The following NR2C1 variants were observed in gnomAD, a reference collection of about 807,000 sequenced individuals.
NR2C1 encodes the protein TR2 nuclear hormone receptor.
A neutral mutation model predicts 74.8 loss-of-function variants in NR2C1; 33 were observed. The observed-to-expected ratio is 0.44, with a 90% CI of 0.33 to 0.59. The LOEUF is 0.59. Ranked by LOEUF, NR2C1 falls within the 20% of genes least tolerant of loss-of-function variation. NR2C1 has a pLI of 0.02. For synonymous variants in NR2C1, 225 were observed against 240.6 expected, an observed-to-expected ratio of 0.94 and a Z score of 0.60; for missense variants, 568 against 715.6, an observed-to-expected ratio of 0.79 and a Z score of 2.35.
At chr12:95,047,039 G>A (rs574589585) in intron 9 of NR2C1, among the ~76,000 whole-genome samples, 99 of 152,220 alleles carry the variant, frequency 6.5e-4, no homozygotes, top group African/African-American at 2.1e-3. Context: ...AACATTTCAA[G>A]CAATCAAAAA....
At chr12:95,058,723 G>A (rs568530292) in intron 4 of NR2C1, among the ~76,000 whole-genome samples, 3 of 152,184 alleles carry the variant, frequency 2.0e-5, no homozygotes, top group African/African-American at 7.2e-5. Context: ...CTGCAGTCTC[G>A]AACTACTGGA....
chr12:95,028,313 G>C, intron 12 of NR2C1, 74 bp downstream of exon 12: 2 of 1,259,736 alleles, frequency 1.6e-6, no homozygotes, highest in African/African-American at 3.0e-5. Context: ...ATCCCCACTT[G>C]CAACATATGA....
intron 11 of NR2C1, chr12:95,030,309 A>G (rs1869915887): frequency 4.1e-6 from 2 of 483,684 alleles, no homozygotes; most frequent in African/African-American, 4.0e-5. Flanking sequence ...GGTTGGGAAA[A>G]AATGAGCAAA....
In NR2C1 at chr12:95,057,663, A is replaced by G. The variant is rs566718521; in HGVS notation, c.693-20T>C. Reference sequence around the variant, plus strand: ...GTTGACCTGTAACAAATCAGCACAAATTTTGGCCTGAGTTTCATTGGGAAG... The same window carrying G: ...GTTGACCTGTAACAAATCAGCACAAGTTTTGGCCTGAGTTTCATTGGGAAG... On this transcript the variant is annotated intron_variant, in intron 6 of 13. Coordinates refer to ENST00000333003, the MANE Select transcript of NR2C1 (RefSeq NM_003297.4). 103 of 1,612,990 alleles carry G rather than the reference A, an allele frequency of 6.4e-5. 2 individuals are homozygous for G. The South Asian group carries it at 1.1e-3, about 17-fold the overall frequency.
intron 9 of NR2C1, among the ~76,000 whole-genome samples, chr12:95,043,891 T>C (rs2136135176): frequency 6.6e-6 from 1 of 152,174 alleles, no homozygotes; most frequent in East Asian, 1.9e-4. Context: ...AAAATATTAC[T>C]ACACCATGTT....
At chr12:95,055,692 G>A (rs1477872692) in intron 7 of NR2C1, among the ~76,000 whole-genome samples, 4 of 152,104 alleles carry the variant, frequency 2.6e-5, no homozygotes, top group East Asian at 1.9e-4. Context: ...AGTGGCTCAC[G>A]CCTGTAATCC....
intron 11 of NR2C1, among the ~76,000 whole-genome samples, 156 bp from the exon 12 acceptor site, chr12:95,028,680 A>C (rs750808005): frequency 2.0e-5 from 3 of 152,222 alleles, no homozygotes; most frequent in Non-Finnish European, 4.4e-5. Flanking sequence ...GTGGCAGTGC[A>C]GTGCAGTGCG....
At chr12:95,048,685 C>T (rs1344829120) in intron 9 of NR2C1, among the ~76,000 whole-genome samples, 1 of 143,580 alleles carries the variant, frequency 7.0e-6, no homozygotes, top group East Asian at 2.1e-4. Context: ...AGTGCAATGG[C>T]GTGATCTCGG....
intron 2 of NR2C1, among the ~76,000 whole-genome samples, chr12:95,064,772 T>C (rs947632819): frequency 2.6e-5 from 4 of 152,220 alleles, no homozygotes; most frequent in Admixed American, 2.0e-4. Context: ...AATTTTAAAA[T>C]GGCAAAGTCC....
intron 3 of NR2C1, among the ~76,000 whole-genome samples, chr12:95,061,954 G>C (rs955442132): frequency 6.6e-6 from 1 of 152,182 alleles, no homozygotes; most frequent in African/African-American, 2.4e-5. Flanking sequence ...GCCCATGACT[G>C]CACTGCTTGC....
At chr12:95,033,646 G>T (rs954232770) in intron 10 of NR2C1, among the ~76,000 whole-genome samples, 15 of 152,204 alleles carry the variant, frequency 9.9e-5, no homozygotes, top group African/African-American at 3.6e-4. Flanking sequence ...TTAAAATATA[G>T]CTCAGAGTTC....
rs1386585312 is a variant in NR2C1, at chr12:95,021,567, A to G, written c.*662T>C. 6.6e-6 allele frequency: 1 copy of G among 152,164 alleles called. No individual in the cohort carries two copies. The highest frequency in any genetic ancestry group is 2.4e-5 in the African/African-American group (1 of 41,454). 9.4% of individuals were successfully genotyped at this position (152,164 alleles called of 1,614,324 possible). A position where few individuals can be genotyped will look rare whatever the true frequency, so the allele number is the denominator to read the frequency against. ...TTATTCTCAAAAACAATTTTCTGCT[A>G]TATAAAGTGCTTGTAACTAATAATA... On this transcript the variant is annotated 3_prime_UTR_variant, in exon 14 of 14. Coordinates refer to ENST00000333003, the MANE Select transcript of NR2C1 (RefSeq NM_003297.4).
intron 11 of NR2C1, 96 bp from the exon 12 acceptor site, chr12:95,028,620 T>C: frequency 1.1e-6 from 1 of 931,876 alleles, no homozygotes; most frequent in Non-Finnish European, 1.6e-6. Context: ...TTGAAAAATT[T>C]TTTAATTCTT....
chr12:95,053,062 C>A (rs1193656910), intron 7 of NR2C1, among the ~76,000 whole-genome samples: 1 of 151,954 alleles, frequency 6.6e-6, no homozygotes, highest in African/African-American at 2.4e-5. Context: ...CAGCTCACTG[C>A]AACCTCCAAC....
At chr12:95,039,798 A>G (rs1437626412) in intron 10 of NR2C1, among the ~76,000 whole-genome samples, 1 of 152,168 alleles carries the variant, frequency 6.6e-6, no homozygotes, top group South Asian at 2.1e-4. Context: ...TGCCCAGCTA[A>G]TTAAAACATT....
intron 7 of NR2C1, among the ~76,000 whole-genome samples, chr12:95,054,072 A>G (rs1310325340): frequency 6.6e-6 from 1 of 152,206 alleles, no homozygotes; most frequent in Non-Finnish European, 1.5e-5. Flanking sequence ...ATTTTGGTGA[A>G]TCAGTAGAAT....
At chr12:95,072,906 G>A (rs1876925090) in intron 1 of NR2C1, 1 of 152,240 alleles carries the variant, frequency 6.6e-6, no homozygotes, top group Admixed American at 6.5e-5. Context: ...TTAGTGACGG[G>A]ATGCAGGCCG....
chr12:95,066,386 C>CA (rs1394161248), intron 2 of NR2C1, among the ~76,000 whole-genome samples: 4 of 152,036 alleles, frequency 2.6e-5, no homozygotes, highest in Admixed American at 1.3e-4. Context: ...AAAATGGCCA[C>CA]AAAAAATCAG....
Position 95,058,395 on chromosome 12 carries a change from C to T in NR2C1, c.459G>A (p.Lys153=). The T allele has an allele frequency of 1.2e-6, 2 of 1,613,712 alleles. No individual in the cohort carries two copies. Among genetic ancestry groups the T allele is most frequent in the Non-Finnish European group, 1.7e-6 (2 of 1,179,892 alleles). ...KNLVYSCRGS[K]DCIINKHHRN... is the part of the protein sequence containing the mutation. ...GGTGGTGCTTATTAATAATACAATC[C>T]TTTGATCCTCGACATGAATATACTA... Residue 153 remains lysine (K), a synonymous_variant, in exon 5 of 14, where the codon AAG becomes AAA. Transcript: ENST00000333003.
Sources: allele counts gnomAD v4.1 joint callset (sites outside exome capture counted in the v4.1 genomes callset), GRCh38; gene constraint gnomAD v4.1.1; transcripts MANE v1.5; gene names NCBI Gene and HGNC (gene_info 2026-07-23, HGNC 2026-07-21).